Variants in PLD5 observed in about 807,000 individuals in gnomAD.
The protein encoded by PLD5 is inactive phospholipase D5.
In PLD5, 36 loss-of-function variants were observed where a neutral mutation model predicts 61.1. That is an observed-to-expected ratio of 0.59 (90% CI 0.45 to 0.78). The LOEUF is 0.78. Ranked by LOEUF, PLD5 falls within the 30% of genes least tolerant of loss-of-function variation. The probability of loss-of-function intolerance (pLI) is 0.00; values close to 1 mark genes in which losing one functional copy is unlikely to be tolerated. For missense variants in PLD5, 515 were observed against 644.4 expected (o/e 0.80, Z 2.17); for synonymous variants, 243 against 242.8 (o/e 1.00, Z -0.01).
At chr1:242,100,634 C>T (rs1660607584) in intron 9 of PLD5, 34 bp downstream of exon 9, 2 of 1,509,078 alleles carry the variant, frequency 1.3e-6, no homozygotes, top group Admixed American at 3.4e-5. Context: ...CTGGGTGACC[C>T]CCACCCAAGG....
chr1:242,304,179 A>G (rs1676217022), intron 2 of PLD5, among the ~76,000 whole-genome samples: 1 of 152,236 alleles, frequency 6.6e-6, no homozygotes, highest in South Asian at 2.1e-4. Flanking sequence ...TAAAGCTGCC[A>G]TTACCTCCAG....
chr1:242,207,380 C>T (rs567378770), intron 5 of PLD5, among the ~76,000 whole-genome samples: 60 of 152,202 alleles, frequency 3.9e-4, no homozygotes, highest in African/African-American at 1.3e-3. Context: ...TACAGGTCTT[C>T]GGTAGTTCCC....
At chr1:242,304,716 T>G (rs1285047023) in intron 2 of PLD5, among the ~76,000 whole-genome samples, 3 of 152,252 alleles carry the variant, frequency 2.0e-5, no homozygotes, top group Admixed American at 6.5e-5. Context: ...ATTATTTTCT[T>G]GATATAAAAC....
intron 3 of PLD5, among the ~76,000 whole-genome samples, chr1:242,266,551 A>G (rs1253155374): frequency 6.6e-6 from 1 of 152,216 alleles, no homozygotes; most frequent in African/African-American, 2.4e-5. Flanking sequence ...ATGTTTTAAT[A>G]GACTCCCGTC....
At chr1:242,464,527 G>T (rs920684181) in intron 1 of PLD5, among the ~76,000 whole-genome samples, 2 of 152,180 alleles carry the variant, frequency 1.3e-5, no homozygotes, top group Non-Finnish European at 2.9e-5. Flanking sequence ...ATAACAAAAG[G>T]TGGTGAGGAA....
In PLD5 at chr1:242,392,995, G is replaced by C. The variant is rs1232816698; in HGVS notation, c.190-44753C>G. Among the ~76,000 whole-genome samples, 6 of 151,460 alleles carry C rather than the reference G, an allele frequency of 4.0e-5. No homozygotes were observed. The East Asian group carries it at 1.2e-3, about 30-fold the overall frequency. On this transcript the variant is annotated intron_variant, in intron 1 of 9. Transcript: ENST00000536534. ...GAGGCGGGTGGATTACCTGAAGTCA[G>C]GAGTTCGAGACCAGCCTGGCCAACA...
At chr1:242,516,465 C>T (rs1380641389) in intron 1 of PLD5, among the ~76,000 whole-genome samples, 1 of 151,968 alleles carries the variant, frequency 6.6e-6, no homozygotes, top group Non-Finnish European at 1.5e-5. Flanking sequence ...CTAGAAGCCT[C>T]ATTTCACTTT....
chr1:242,232,747 G>A (rs1243201214), intron 4 of PLD5, among the ~76,000 whole-genome samples: 1 of 152,150 alleles, frequency 6.6e-6, no homozygotes. Context: ...GGAAGCTGAG[G>A]TAGGAGACTT....
intron 5 of PLD5, among the ~76,000 whole-genome samples, chr1:242,168,749 G>A (rs77492141): frequency 0.027 from 4,029 of 150,718 alleles, 186 homozygotes; most frequent in African/African-American, 0.093. Flanking sequence ...TGAAGTATGC[G>A]TTTTAAAATA....
intron 2 of PLD5, among the ~76,000 whole-genome samples, chr1:242,336,475 C>T (rs1030549873): frequency 2.6e-5 from 4 of 151,998 alleles, no homozygotes; most frequent in Admixed American, 2.6e-4. Context: ...GAGTGCCATG[C>T]AGCCATGGAT....
chr1:242,112,840 A>G (rs565989040), intron 7 of PLD5, among the ~76,000 whole-genome samples: 1 of 152,206 alleles, frequency 6.6e-6, no homozygotes, highest in Non-Finnish European at 1.5e-5. Flanking sequence ...CTAATTATTC[A>G]AGCACCTCTG....
chr1:242,519,525 TC>T (rs998247536), intron 1 of PLD5, among the ~76,000 whole-genome samples: 3 of 152,342 alleles, frequency 2.0e-5, no homozygotes, highest in African/African-American at 7.2e-5. Context: ...GCTTTCTCTT[TC>T]AAATTTAAAT....
chr1:242,221,285 C>A (rs547845402), intron 4 of PLD5, among the ~76,000 whole-genome samples: 1 of 152,190 alleles, frequency 6.6e-6, no homozygotes, highest in African/African-American at 2.4e-5. Context: ...AAGGTCTATT[C>A]CCTTTAAAAT....
At chr1:242,499,754 T>C (rs2102988650) in intron 1 of PLD5, among the ~76,000 whole-genome samples, 1 of 152,152 alleles carries the variant, frequency 6.6e-6, no homozygotes, top group South Asian at 2.1e-4. Context: ...AACTATTTTG[T>C]TGTGCTCATG....
At chr1:242,470,188 A>G (rs1012096391) in intron 1 of PLD5, among the ~76,000 whole-genome samples, 3 of 151,880 alleles carry the variant, frequency 2.0e-5, no homozygotes, top group Admixed American at 1.3e-4. Context: ...AAAAATACAA[A>G]AAAAATTAGC....
At chr1:242,462,981 C>T (rs190685136) in intron 1 of PLD5, among the ~76,000 whole-genome samples, 1 of 152,292 alleles carries the variant, frequency 6.6e-6, no homozygotes, top group Non-Finnish European at 1.5e-5. Flanking sequence ...TGCTTCATTT[C>T]CTTAAACCAT....
chr1:242,092,950 G>C (rs190440381), intron 9 of PLD5, among the ~76,000 whole-genome samples: 1 of 152,254 alleles, frequency 6.6e-6, no homozygotes, highest in African/African-American at 2.4e-5. Flanking sequence ...TATCAGCAGA[G>C]AGAGGGACCT....
At chr1:242,518,212 G>A in intron 1 of PLD5, among the ~76,000 whole-genome samples, 1 of 152,168 alleles carries the variant, frequency 6.6e-6, no homozygotes, top group East Asian at 1.9e-4. Context: ...GGCTAGATTT[G>A]TGATTTTAGA....
At chr1:242,169,799 T>A (rs1219222728) in intron 5 of PLD5, among the ~76,000 whole-genome samples, 1 of 152,138 alleles carries the variant, frequency 6.6e-6, no homozygotes, top group Non-Finnish European at 1.5e-5. Flanking sequence ...ACCCTCACGG[T>A]GTAAACAAAG....
Sources: gnomAD v4.1 joint callset for allele counts (sites outside exome capture counted in the v4.1 genomes callset) on GRCh38, gnomAD v4.1.1 for gene constraint, MANE v1.5 for transcripts, NCBI Gene and HGNC (gene_info 2026-07-23, HGNC 2026-07-21) for gene names.